The following DNAAF9 variants were observed in gnomAD, a reference collection of about 807,000 sequenced individuals.
The protein encoded by DNAAF9 is shulin.
DNAAF9 carries 90 observed loss-of-function variants against 167.0 expected under a neutral mutation model. The ratio of observed to expected loss-of-function variants is 0.54; its 90% CI spans 0.45 to 0.64. The LOEUF (loss-of-function observed/expected upper bound fraction) is 0.64, where lower values mean the gene tolerates loss of function less well. Among genes scored for constraint, DNAAF9 ranks in the 30% least tolerant of loss-of-function variants. DNAAF9 has a pLI of 0.00. For missense variants in DNAAF9, 1,315 were observed against 1,442.2 expected (o/e 0.91, Z 1.43); for synonymous variants, 491 against 508.8 (o/e 0.96, Z 0.47).
chr20:3,255,995 C>T lies in DNAAF9; in HGVS notation c.3261+11G>A, dbSNP rs775854427. The T allele has an allele frequency of 2.4e-5, 38 of 1,609,678 alleles. No individual in the cohort carries two copies. The highest frequency in any genetic ancestry group is 3.2e-5 in the Non-Finnish European group (38 of 1,177,766). On this transcript the variant is annotated intron_variant, in intron 34 of 36. Coordinates refer to ENST00000252032, the MANE Select transcript of DNAAF9 (RefSeq NM_001009984.3). ...CATCTGTGTCAGGTCTGTCTGGGCT[C>T]TGGAAACCACCTGCTTAGCTGACTG...
intron 6 of DNAAF9, chr20:3,361,805 T>G (rs1287823593): frequency 4.7e-5 from 62 of 1,314,120 alleles, no homozygotes; most frequent in Non-Finnish European, 6.1e-5. Flanking sequence ...TCTAGAAAAT[T>G]TACTACTGAA....
At chr20:3,340,433 T>TCCGGGGGGGGGCCGCCCCCCCCCCC in intron 10 of DNAAF9, 71 bp downstream of exon 10, 1 of 221,214 alleles carries the variant, frequency 4.5e-6, no homozygotes, top group Non-Finnish European at 9.5e-6. Context: ...TTTGTCTAGC[T>TCCGGGGGGGGGCCGCCCCCCCCCCC]CCCCCCACCC....
intron 6 of DNAAF9, among the ~76,000 whole-genome samples, chr20:3,363,809 G>A (rs1418431595): frequency 6.6e-6 from 1 of 151,706 alleles, no homozygotes; most frequent in Non-Finnish European, 1.5e-5. Context: ...TACTGCTATG[G>A]CTTCAAATTC....
intron 8 of DNAAF9, among the ~76,000 whole-genome samples, chr20:3,347,871 G>A (rs756763188): frequency 2.2e-4 from 33 of 152,142 alleles, no homozygotes; most frequent in Non-Finnish European, 3.1e-4. Context: ...GCAGTGCACC[G>A]AGATCATGCC....
chr20:3,259,398 G>T, intron 33 of DNAAF9, 82 bp downstream of exon 33: 2 of 915,014 alleles, frequency 2.2e-6, no homozygotes, highest in Non-Finnish European at 3.7e-6. Flanking sequence ...GGTCTGCAGA[G>T]CACCAGCAGA....
chr20:3,372,752 A>C (rs1947976445), intron 6 of DNAAF9, among the ~76,000 whole-genome samples: 1 of 152,138 alleles, frequency 6.6e-6, no homozygotes, highest in African/African-American at 2.4e-5. Flanking sequence ...TGGGAAATTC[A>C]TTTAATTGCT....
intron 1 of DNAAF9, among the ~76,000 whole-genome samples, chr20:3,391,615 G>C (rs919043745): frequency 8.0e-6 from 1 of 124,338 alleles, no homozygotes; most frequent in Non-Finnish European, 1.6e-5. Flanking sequence ...AGTTTCACTC[G>C]TGTTGCCCAG....
intron 1 of DNAAF9, among the ~76,000 whole-genome samples, chr20:3,390,087 C>G (rs923869454): frequency 6.6e-6 from 1 of 150,652 alleles, no homozygotes; most frequent in African/African-American, 2.4e-5. Context: ...TCTGAGAAAA[C>G]TTGAATATGG....
At chr20:3,286,437 T>A (rs1465925070) in intron 27 of DNAAF9, among the ~76,000 whole-genome samples, 1 of 152,202 alleles carries the variant, frequency 6.6e-6, no homozygotes, top group Non-Finnish European at 1.5e-5. Context: ...AGCTGCTGAA[T>A]TCACCTCCAG....
At chr20:3,340,441 C>CA in intron 10 of DNAAF9, 63 bp downstream of exon 10, 1 of 166,544 alleles carries the variant, frequency 6.0e-6, no homozygotes, top group Non-Finnish European at 1.3e-5. Flanking sequence ...GCTCCCCCCA[C>CA]CCACCCCACC....
At position 3,373,924 on chromosome 20, in the gene DNAAF9, G is replaced by A. The variant is rs1030225292; in HGVS notation, c.612+124C>T. ...TTTTCCATTTCAAGTCTCCTAACTT[G>A]CTCCATGCCCTTGTGAGGTAACTGC... On this transcript the variant is annotated intron_variant, in intron 6 of 36. Transcript: ENST00000252032. 3.5e-5 allele frequency: 22 copies of A among 632,238 alleles called. No individual in the cohort carries two copies. The African/African-American group carries it at 4.0e-4, about 12-fold the overall frequency. 39.2% of individuals were successfully genotyped at this position (632,238 alleles called of 1,614,324 possible).
intron 7 of DNAAF9, among the ~76,000 whole-genome samples, chr20:3,354,911 T>C (rs1233521945): frequency 6.6e-6 from 1 of 152,180 alleles, no homozygotes; most frequent in Non-Finnish European, 1.5e-5. Context: ...CCCATGGTGA[T>C]CACCACTGTT....
chr20:3,314,352 G>A (rs1321113368), intron 20 of DNAAF9, among the ~76,000 whole-genome samples: 1 of 152,214 alleles, frequency 6.6e-6, no homozygotes, highest in Non-Finnish European at 1.5e-5. Flanking sequence ...GATAGCCGAA[G>A]AGGAATTAGA....
intron 1 of DNAAF9, among the ~76,000 whole-genome samples, chr20:3,387,581 CAATG>C (rs139600868): frequency 6.6e-6 from 1 of 152,110 alleles, no homozygotes; most frequent in Non-Finnish European, 1.5e-5. Context: ...TTCGATTTGG[CAATG>C]AATTCTTGAA....
chr20:3,273,206 T>C (rs955596960), intron 29 of DNAAF9, among the ~76,000 whole-genome samples: 33 of 152,168 alleles, frequency 2.2e-4, no homozygotes, highest in African/African-American at 7.7e-4. Flanking sequence ...CTAAGTGACC[T>C]TGTAACTGCA....
intron 1 of DNAAF9, among the ~76,000 whole-genome samples, chr20:3,397,723 G>T (rs1030590696): frequency 4.4e-4 from 66 of 151,590 alleles, no homozygotes; most frequent in Non-Finnish European, 1.5e-4. Flanking sequence ...TTTTTTTGGG[G>T]GGGGGGAACA....
intron 28 of DNAAF9, 108 bp downstream of exon 28, chr20:3,281,533 G>A (rs191916401): frequency 3.0e-5 from 31 of 1,036,922 alleles, no homozygotes; most frequent in Admixed American, 8.3e-5. Context: ...TAAAAGAACA[G>A]CATTTACTAC....
chr20:3,404,483 T>C (rs1404675748), intron 1 of DNAAF9, among the ~76,000 whole-genome samples: 15 of 152,254 alleles, frequency 9.9e-5, no homozygotes, highest in Non-Finnish European at 5.9e-5. Flanking sequence ...TCTAGTGTTC[T>C]TAATACTAAT....
intron 17 of DNAAF9, among the ~76,000 whole-genome samples, chr20:3,317,373 A>AG (rs1192583875): frequency 6.6e-6 from 1 of 151,248 alleles, no homozygotes; most frequent in Non-Finnish European, 1.5e-5. Flanking sequence ...AAAAAAAAAA[A>AG]AAAAAAAACC....
Sources: allele counts gnomAD v4.1 joint callset (sites outside exome capture counted in the v4.1 genomes callset), GRCh38; gene constraint gnomAD v4.1.1; transcripts MANE v1.5; gene names NCBI Gene and HGNC (gene_info 2026-07-23, HGNC 2026-07-21).